Variants in MARK1 observed in about 807,000 individuals in gnomAD.
MARK1 encodes serine/threonine-protein kinase MARK1.
A neutral mutation model predicts 96.3 loss-of-function variants in MARK1; 40 were observed. That is an observed-to-expected ratio of 0.42 (90% CI 0.32 to 0.54). MARK1 has a LOEUF of 0.54. Ranked by LOEUF, MARK1 falls within the 20% of genes least tolerant of loss-of-function variation. The probability of loss-of-function intolerance (pLI) is 0.16; values close to 1 mark genes in which losing one functional copy is unlikely to be tolerated. For synonymous variants in MARK1, 317 were observed against 341.2 expected (o/e 0.93, Z 0.78); for missense variants, 719 against 984.6 (o/e 0.73, Z 3.61).
At chr1:220,580,859 T>C (rs1453673918) in intron 2 of MARK1, among the ~76,000 whole-genome samples, 4 of 152,198 alleles carry the variant, frequency 2.6e-5, no homozygotes, top group Admixed American at 6.5e-5. Context: ...TTTCATTGGC[T>C]CAGGATCAAA....
chr1:220,591,666 T>C (rs928330047), intron 3 of MARK1, among the ~76,000 whole-genome samples: 6 of 152,172 alleles, frequency 3.9e-5, no homozygotes, highest in Non-Finnish European at 7.4e-5. Flanking sequence ...AAAAGTTATA[T>C]AAACATTTAA....
chr1:220,588,922 A>G (rs1470185468), intron 3 of MARK1, among the ~76,000 whole-genome samples: 3 of 152,204 alleles, frequency 2.0e-5, no homozygotes, highest in Admixed American at 2.0e-4. Context: ...AAGGGTTCCT[A>G]TCCCTCCTGA....
chr1:220,534,361 C>T (rs777920533), intron 1 of MARK1, among the ~76,000 whole-genome samples: 1 of 152,072 alleles, frequency 6.6e-6, no homozygotes, highest in East Asian at 1.9e-4. Flanking sequence ...ATAGTCACCT[C>T]AGTGATCTAT....
At chr1:220,626,296 T>C (rs938165124) in intron 9 of MARK1, 15 of 541,052 alleles carry the variant, frequency 2.8e-5, no homozygotes, top group African/African-American at 2.7e-4. Context: ...AGAGGCCTTC[T>C]ATACCACAGA....
At chr1:220,579,602 G>T in intron 2 of MARK1, 45 bp downstream of exon 2, 1 of 1,530,802 alleles carries the variant, frequency 6.5e-7, no homozygotes, top group Non-Finnish European at 9.0e-7. Context: ...GACCTCTCTG[G>T]AGTCTTGTTA....
rs1558311295 is a variant in MARK1, at chr1:220,632,190, T to A, written c.1010-11T>A. 7 of 1,316,754 alleles carry A rather than the reference T, an allele frequency of 5.3e-6. No homozygotes were observed. Among genetic ancestry groups the A allele is most frequent in the Admixed American group, 2.7e-5 (1 of 36,894 alleles). The allele number at this position is 1,316,754 out of a possible 1,614,324, so 81.6% of individuals were successfully genotyped here. On this transcript the variant is annotated splice_polypyrimidine_tract_variant and intron_variant, in intron 10 of 17. Coordinates refer to ENST00000366917, the MANE Select transcript of MARK1 (RefSeq NM_018650.5). ...CCATTTTCAGAAAATTTCTCTTTTTTAAATTTCTAGACATTATGGTCACCA... is the reference window on the plus strand; with the variant it reads ...CCATTTTCAGAAAATTTCTCTTTTTAAAATTTCTAGACATTATGGTCACCA...
At chr1:220,591,354 A>C (rs115544377) in intron 3 of MARK1, among the ~76,000 whole-genome samples, 1,694 of 152,246 alleles carry the variant, frequency 0.011, 27 homozygotes, top group African/African-American at 0.039. Context: ...GCCGATTCTA[A>C]GAGAAAACTA....
chr1:220,581,828 T>G (rs1003604369), intron 3 of MARK1, among the ~76,000 whole-genome samples: 5 of 152,218 alleles, frequency 3.3e-5, no homozygotes, highest in South Asian at 4.1e-4. Context: ...GTTACTTCAT[T>G]AATTACTTAA....
rs1358107563 is a variant in MARK1, at chr1:220,654,844, C to T, written c.1988+1492C>T. Among the ~76,000 whole-genome samples the T allele has an allele frequency of 1.3e-5, 2 of 152,188 alleles. No individual in the cohort carries two copies. The highest frequency in any genetic ancestry group is 2.9e-5 in the Non-Finnish European group (2 of 68,034). On this transcript the variant is annotated intron_variant, in intron 16 of 17. Coordinates refer to ENST00000366917, the MANE Select transcript of MARK1 (RefSeq NM_018650.5). The surrounding 1 kb of genome is among the most constrained non-coding windows in gnomAD (Gnocchi z 4.0). ...CTCTTAACTGCAACAAAAATTTAGA[C>T]TCTAGGGGAAACAGAGTACTTTGGA...
chr1:220,651,367 TTAA>T (rs1186023721), intron 14 of MARK1, among the ~76,000 whole-genome samples: 2 of 152,140 alleles, frequency 1.3e-5, no homozygotes, highest in African/African-American at 4.8e-5. Context: ...TTCTTCTCAC[TTAA>T]TAAGAATGTA....
intron 1 of MARK1, among the ~76,000 whole-genome samples, chr1:220,542,382 T>C (rs1661203310): frequency 6.6e-6 from 1 of 152,252 alleles, no homozygotes; most frequent in South Asian, 2.1e-4. Flanking sequence ...TTGTTTCTTA[T>C]TGAATTGCTG....
rs144524195 is a variant in MARK1, at chr1:220,620,148, G to A, written c.909+1393G>A. 8.1e-3 allele frequency among the ~76,000 whole-genome samples: 1,226 copies of A among 152,108 alleles called. 5 individuals are homozygous for A. Among genetic ancestry groups the A allele is most frequent in the Admixed American group, 0.013 (199 of 15,282 alleles). On this transcript the variant is annotated intron_variant, in intron 9 of 17. Transcript: ENST00000366917. ...AGTCAATTATCATGATTTTTTTACC[G>A]AATTATTTGTTTAAATGTGATTAGT... is the stretch of plus-strand genomic sequence containing the variant.
intron 9 of MARK1, among the ~76,000 whole-genome samples, chr1:220,624,219 A>T (rs1667194802): frequency 6.6e-6 from 1 of 150,838 alleles, no homozygotes; most frequent in Admixed American, 6.6e-5. Flanking sequence ...AATCACTGGA[A>T]CCTGGGAAGT....
chr1:220,545,927 G>C (rs1001881229), intron 1 of MARK1, among the ~76,000 whole-genome samples: 2 of 152,068 alleles, frequency 1.3e-5, no homozygotes, highest in Non-Finnish European at 2.9e-5. Context: ...TACTGGGCCT[G>C]CACAACTCCG....
intron 13 of MARK1, among the ~76,000 whole-genome samples, chr1:220,648,619 A>G (rs1042360000): frequency 6.6e-6 from 1 of 152,244 alleles, no homozygotes; most frequent in African/African-American, 2.4e-5. Context: ...GCCTTTGAAA[A>G]GGAAAGAAAT....
rs760233566 is a variant in MARK1 at position 220,650,736 on chromosome 1, C to T, written c.1571+16C>T. The T allele has an allele frequency of 1.3e-6, 2 of 1,562,578 alleles. No homozygotes were observed. The highest frequency in any genetic ancestry group is 1.8e-6 in the Non-Finnish European group (2 of 1,133,884). On this transcript the variant is annotated intron_variant, in intron 14 of 17. Coordinates refer to ENST00000366917, the MANE Select transcript of MARK1 (RefSeq NM_018650.5). Reference sequence around the variant, plus strand: ...AAGACAGCAGGTAAATGCCACAGTGCCAAGTAGTAATACCTTTGCTGTTGT... The same window carrying T: ...AAGACAGCAGGTAAATGCCACAGTGTCAAGTAGTAATACCTTTGCTGTTGT...
At chr1:220,529,002 C>A in intron 1 of MARK1, 129 bp downstream of exon 1, 1 of 838,478 alleles carries the variant, frequency 1.2e-6, no homozygotes, top group Non-Finnish European at 1.8e-6. Context: ...ACCTGGAGCC[C>A]GGCGTGACCC....
intron 1 of MARK1, among the ~76,000 whole-genome samples, chr1:220,577,222 G>A (rs1043248899): frequency 2.6e-5 from 4 of 152,038 alleles, no homozygotes; most frequent in Admixed American, 1.3e-4. Context: ...AGCAGTGATC[G>A]TGCCACTGCA....
At chr1:220,650,825 C>T (rs1167968013) in intron 14 of MARK1, 105 bp downstream of exon 14, 1 of 716,930 alleles carries the variant, frequency 1.4e-6, no homozygotes, top group African/African-American at 1.8e-5. Flanking sequence ...GCAGTTATTA[C>T]ATGAAATAGT....
Sources: gnomAD v4.1 joint callset for allele counts (sites outside exome capture counted in the v4.1 genomes callset) on GRCh38, gnomAD v4.1.1 for gene constraint, Gnocchi (gnomAD v3.1) non-coding constraint, MANE v1.5 for transcripts, NCBI Gene and HGNC (gene_info 2026-07-23, HGNC 2026-07-21) for gene names.